The following NKAIN2 variants were observed in gnomAD, a reference collection of about 807,000 sequenced individuals.
The protein encoded by NKAIN2 is sodium/potassium-transporting ATPase subunit beta-1-interacting protein 2.
Under a neutral mutation model 32.6 loss-of-function variants are expected in NKAIN2, and 14 were observed. The ratio of observed to expected loss-of-function variants is 0.43; its 90% CI spans 0.28 to 0.67. NKAIN2 has a LOEUF of 0.67. Among genes scored for constraint, NKAIN2 ranks in the 30% least tolerant of loss-of-function variants. The pLI is 0.17. For missense variants in NKAIN2, 198 were observed against 258.3 expected (o/e 0.77, Z 1.60); for synonymous variants, 80 against 87.2 (o/e 0.92, Z 0.46).
chr6:124,645,986 T>C, intron 3 of NKAIN2, among the ~76,000 whole-genome samples: 1 of 152,242 alleles, frequency 6.6e-6, no homozygotes, highest in East Asian at 1.9e-4. Context: ...GAATTTATTT[T>C]CCTTATTATA....
Position 124,823,591 on chromosome 6 carries a change from G to A in NKAIN2, c.*362G>A. On this transcript the variant is annotated 3_prime_UTR_variant, in exon 7 of 7. Coordinates refer to ENST00000368417, the MANE Select transcript of NKAIN2 (RefSeq NM_001040214.3). The stretch of plus-strand genomic sequence containing the variant: ...TAACTCCTCTGCAGCCCAGCGGGTT[G>A]GCCTCTGTGAGCTGGGAAGTCATCC... 1 of 227,360 alleles carries A rather than the reference G, an allele frequency of 4.4e-6. No individual in the cohort carries two copies. The highest frequency in any genetic ancestry group is 8.7e-6 in the Non-Finnish European group (1 of 114,610). 14.1% of individuals were successfully genotyped at this position (227,360 alleles called of 1,614,324 possible).
At chr6:124,048,361 A>G (rs1211863543) in intron 1 of NKAIN2, among the ~76,000 whole-genome samples, 1 of 152,030 alleles carries the variant, frequency 6.6e-6, no homozygotes, top group Non-Finnish European at 1.5e-5. Flanking sequence ...ACCTATTAAT[A>G]TTAGGGTGGC....
intron 1 of NKAIN2, among the ~76,000 whole-genome samples, chr6:123,853,153 T>TCAGTTTC (rs548469432): frequency 3.3e-5 from 5 of 152,196 alleles, no homozygotes; most frequent in Non-Finnish European, 7.3e-5. Context: ...TTTTTTTGGA[T>TCAGTTTC]CAGTTTCCTA....
At chr6:124,165,001 C>T (rs1212714840) in intron 1 of NKAIN2, among the ~76,000 whole-genome samples, 1 of 151,948 alleles carries the variant, frequency 6.6e-6, no homozygotes, top group African/African-American at 2.4e-5. Flanking sequence ...TTTTTCTAGA[C>T]AATCTTGTAG....
At chr6:124,162,427 T>A (rs958068032) in intron 1 of NKAIN2, among the ~76,000 whole-genome samples, 1 of 152,094 alleles carries the variant, frequency 6.6e-6, no homozygotes, top group African/African-American at 2.4e-5. Flanking sequence ...TTGTTGGTAT[T>A]TTTTACCCTA....
At chr6:124,790,430 G>A (rs1025322705) in intron 4 of NKAIN2, among the ~76,000 whole-genome samples, 3 of 151,814 alleles carry the variant, frequency 2.0e-5, no homozygotes, top group Non-Finnish European at 2.9e-5. Context: ...GTGTGGGGTC[G>A]GTCCTCAGCC....
At chr6:123,992,943 G>A (rs1779473855) in intron 1 of NKAIN2, among the ~76,000 whole-genome samples, 1 of 152,164 alleles carries the variant, frequency 6.6e-6, no homozygotes, top group Non-Finnish European at 1.5e-5. Flanking sequence ...TATTATCATA[G>A]TTTGAAGCCC....
At chr6:124,024,725 A>T (rs1781027904) in intron 1 of NKAIN2, among the ~76,000 whole-genome samples, 1 of 152,120 alleles carries the variant, frequency 6.6e-6, no homozygotes, top group Non-Finnish European at 1.5e-5. Context: ...GTGGTGGCTC[A>T]TGCCTGTAAT....
At chr6:124,279,916 T>C (rs1795215745) in intron 1 of NKAIN2, among the ~76,000 whole-genome samples, 1 of 152,046 alleles carries the variant, frequency 6.6e-6, no homozygotes, top group Admixed American at 6.6e-5. Context: ...TTCATAAAGA[T>C]AGTAATGGAA....
intron 1 of NKAIN2, among the ~76,000 whole-genome samples, chr6:123,883,205 C>T (rs967117610): frequency 4.6e-5 from 7 of 151,978 alleles, no homozygotes; most frequent in African/African-American, 1.7e-4. Context: ...AGTACAGTGG[C>T]GTGAACTCGG....
At chr6:124,507,324 A>C (rs745690744) in intron 3 of NKAIN2, among the ~76,000 whole-genome samples, 1 of 152,328 alleles carries the variant, frequency 6.6e-6, no homozygotes, top group South Asian at 2.1e-4. Flanking sequence ...TCTCAGAACA[A>C]GTAAATGACT....
chr6:124,601,489 ATAGT>A (rs1016210680), intron 3 of NKAIN2, among the ~76,000 whole-genome samples: 1 of 151,990 alleles, frequency 6.6e-6, no homozygotes, highest in African/African-American at 2.4e-5. Flanking sequence ...CTTATTTCCC[ATAGT>A]TAGAGCATAT....
chr6:124,678,043 CCTT>C (rs1270313460), intron 4 of NKAIN2, among the ~76,000 whole-genome samples: 1 of 152,010 alleles, frequency 6.6e-6, no homozygotes, highest in Non-Finnish European at 1.5e-5. Context: ...TATCCCACTC[CCTT>C]CTGAGTTGCA....
intron 5 of NKAIN2, among the ~76,000 whole-genome samples, chr6:124,809,937 T>C (rs370477881): frequency 2.6e-5 from 4 of 151,982 alleles, no homozygotes; most frequent in East Asian, 1.9e-4. Flanking sequence ...CAATGAGATA[T>C]CATCTCACAC....
chr6:124,195,169 G>A (rs916404153), intron 1 of NKAIN2, among the ~76,000 whole-genome samples: 1 of 151,296 alleles, frequency 6.6e-6, no homozygotes, highest in Non-Finnish European at 1.5e-5. Flanking sequence ...TATTGTCAAG[G>A]AAGTTTTTTA....
intron 4 of NKAIN2, among the ~76,000 whole-genome samples, chr6:124,704,151 T>C (rs1464741461): frequency 6.6e-6 from 1 of 151,810 alleles, no homozygotes; most frequent in Non-Finnish European, 1.5e-5. Context: ...AACACATTGA[T>C]TGAGAGAAAA....
intron 1 of NKAIN2, among the ~76,000 whole-genome samples, chr6:124,232,258 A>G (rs933077418): frequency 1.3e-5 from 2 of 152,328 alleles, no homozygotes; most frequent in Non-Finnish European, 2.9e-5. Flanking sequence ...AGGCTGTTTA[A>G]TCTATGGATT....
intron 3 of NKAIN2, among the ~76,000 whole-genome samples, chr6:124,558,047 GCA>G (rs1780541767): frequency 6.6e-6 from 1 of 152,170 alleles, no homozygotes; most frequent in Non-Finnish European, 1.5e-5. Context: ...GTTATGTTTT[GCA>G]CTTTAAAATC....
intron 1 of NKAIN2, among the ~76,000 whole-genome samples, chr6:124,077,748 C>T (rs1254708954): frequency 1.3e-5 from 2 of 151,632 alleles, no homozygotes; most frequent in Non-Finnish European, 2.9e-5. Flanking sequence ...AGATGCTCAC[C>T]ACCACACCCA....
Sources: gnomAD v4.1 joint callset for allele counts (sites outside exome capture counted in the v4.1 genomes callset) on GRCh38, gnomAD v4.1.1 for gene constraint, MANE v1.5 for transcripts, NCBI Gene and HGNC (gene_info 2026-07-23, HGNC 2026-07-21) for gene names.